DIP2B: variants seen among roughly 807,000 people sequenced by gnomAD.
DIP2B encodes the protein DIP2 acetate--CoA ligase B (putative).
A neutral mutation model predicts 198.0 loss-of-function variants in DIP2B; 76 were observed. The observed-to-expected ratio is 0.38, with a 90% CI of 0.32 to 0.46. The LOEUF is 0.46. Among genes scored for constraint, DIP2B ranks in the 20% least tolerant of loss-of-function variants. The pLI is 0.99. For missense variants in DIP2B, 1,559 were observed against 1,978.4 expected (o/e 0.79, Z 4.02); for synonymous variants, 701 against 739.1 (o/e 0.95, Z 0.84).
intron 11 of DIP2B, among the ~76,000 whole-genome samples, chr12:50,686,237 A>C (rs1939128194): frequency 6.6e-6 from 1 of 152,118 alleles, no homozygotes; most frequent in South Asian, 2.1e-4. Flanking sequence ...CTTTATGCCG[A>C]TGGTTGGAAA....
At chr12:50,546,992 T>G (rs951829825) in intron 1 of DIP2B, among the ~76,000 whole-genome samples, 4 of 152,240 alleles carry the variant, frequency 2.6e-5, no homozygotes, top group African/African-American at 9.6e-5. Context: ...AACTGCTTAC[T>G]CGGAGGTTCG....
chr12:50,647,652 C>T (rs546716988), intron 3 of DIP2B, among the ~76,000 whole-genome samples: 1 of 152,252 alleles, frequency 6.6e-6, no homozygotes, highest in East Asian at 1.9e-4. Flanking sequence ...TGCTTTATGA[C>T]TCAACCCACC....
intron 1 of DIP2B, among the ~76,000 whole-genome samples, chr12:50,518,578 A>G (rs1259004481): frequency 2.0e-5 from 3 of 152,178 alleles, no homozygotes; most frequent in African/African-American, 4.8e-5. Context: ...GTTTCTGTAC[A>G]GTGTGCTGGG....
At chr12:50,642,073 C>G (rs189253364) in intron 3 of DIP2B, among the ~76,000 whole-genome samples, 2 of 151,920 alleles carry the variant, frequency 1.3e-5, no homozygotes, top group Admixed American at 6.6e-5. Flanking sequence ...GCTGATTTTA[C>G]TAGATACATA....
chr12:50,686,680 G>A lies in DIP2B; in HGVS notation c.1549G>A (p.Glu517Lys), dbSNP rs763427967. The change falls in exon 12 of 38, where the codon GAG becomes AAG. Residue 517 changes from glutamate to lysine, a missense_variant and splice_region_variant. Coordinates refer to ENST00000301180, the MANE Select transcript of DIP2B (RefSeq NM_173602.3). ...SPAGTEPAYIEYKTSKEGSVM... is the reference protein window; with the variant it reads ...SPAGTEPAYIKYKTSKEGSVM... ...TGCTGGGACAGAACCGGCATACATTGAGGTAAGTCCTAAGATGTAAAATAT... is the reference window on the plus strand; with the variant it reads ...TGCTGGGACAGAACCGGCATACATTAAGGTAAGTCCTAAGATGTAAAATAT... 2.5e-6 allele frequency: 4 copies of A among 1,613,568 alleles called. No homozygotes were observed. Among genetic ancestry groups the A allele is most frequent in the Non-Finnish European group, 2.5e-6 (3 of 1,179,724 alleles).
intron 1 of DIP2B, among the ~76,000 whole-genome samples, chr12:50,577,741 A>C (rs1209458910): frequency 2.0e-5 from 3 of 151,948 alleles, no homozygotes; most frequent in African/African-American, 7.2e-5. Flanking sequence ...TCTTTTCATT[A>C]ATCTGTTATG....
chr12:50,662,916 C>T (rs1938677208), intron 4 of DIP2B, among the ~76,000 whole-genome samples: 1 of 152,000 alleles, frequency 6.6e-6, no homozygotes, highest in African/African-American at 2.4e-5. Flanking sequence ...CGAGATCAGC[C>T]TGACCAACAA....
intron 1 of DIP2B, among the ~76,000 whole-genome samples, chr12:50,612,140 G>C (rs1006855910): frequency 2.6e-5 from 4 of 152,176 alleles, no homozygotes; most frequent in African/African-American, 9.7e-5. Flanking sequence ...GCATGCCCCT[G>C]TAGTCCCAGC....
intron 2 of DIP2B, among the ~76,000 whole-genome samples, chr12:50,640,074 C>G (rs866304493): frequency 2.6e-5 from 4 of 152,040 alleles, no homozygotes; most frequent in Non-Finnish European, 5.9e-5. Context: ...ATTTTGTTAA[C>G]GTACATCTCG....
At chr12:50,671,836 T>C (rs1648727824) in intron 5 of DIP2B, among the ~76,000 whole-genome samples, 1 of 152,246 alleles carries the variant, frequency 6.6e-6, no homozygotes, top group African/African-American at 2.4e-5. Context: ...AGGACTTTTG[T>C]CTTGACTGGA....
chr12:50,674,877 A>G (rs1228562552), intron 6 of DIP2B, among the ~76,000 whole-genome samples: 1 of 152,184 alleles, frequency 6.6e-6, no homozygotes, highest in Non-Finnish European at 1.5e-5. Context: ...GAAAAGAATA[A>G]CAGAGGGCCG....
chr12:50,598,342 C>T (rs772122663), intron 1 of DIP2B, among the ~76,000 whole-genome samples: 1 of 152,108 alleles, frequency 6.6e-6, no homozygotes, highest in Non-Finnish European at 1.5e-5. Context: ...TCTAGACTTA[C>T]ACCCTTAGGG....
chr12:50,723,366 T>C (rs762285804), intron 27 of DIP2B, 43 bp downstream of exon 27: 1 of 1,607,864 alleles, frequency 6.2e-7, no homozygotes, highest in African/African-American at 1.3e-5. Flanking sequence ...TCTCCTAAAA[T>C]CCAGATTCAG....
In DIP2B at chr12:50,680,743, G is replaced by T. The variant is rs1292080508; in HGVS notation, c.1186G>T (p.Val396Leu). The T allele has an allele frequency of 1.2e-6, 2 of 1,613,716 alleles. No homozygotes were observed. The highest frequency in any genetic ancestry group is 2.7e-5 in the African/African-American group (2 of 74,834). ...LNKLGTKNEP[V>L]LKPGDRVALV... is the part of the protein sequence containing the mutation. ...TAAACTGGGGACCAAAAATGAACCT[G>T]TGTTAAAACCTGGAGACAGGGTAAT... is the stretch of plus-strand genomic sequence containing the variant. The change falls in exon 9 of 38, where the codon GTG becomes TTG. Residue 396 changes from valine to leucine, a missense_variant. Val to Leu is a conservative substitution (Grantham distance 32). Coordinates refer to ENST00000301180, the MANE Select transcript of DIP2B (RefSeq NM_173602.3).
At chr12:50,566,795 C>G (rs1174367503) in intron 1 of DIP2B, among the ~76,000 whole-genome samples, 1 of 151,898 alleles carries the variant, frequency 6.6e-6, no homozygotes, top group Non-Finnish European at 1.5e-5. Flanking sequence ...CGGTGAAACC[C>G]CGTCTCTACT....
intron 1 of DIP2B, among the ~76,000 whole-genome samples, chr12:50,585,563 G>A (rs193268326): frequency 3.3e-5 from 5 of 152,338 alleles, no homozygotes; most frequent in Middle Eastern, 3.4e-3. Flanking sequence ...GAACAAGCTA[G>A]GTGCCTTAGA....
At chr12:50,681,607 T>C (rs1939043025) in intron 9 of DIP2B, among the ~76,000 whole-genome samples, 1 of 152,232 alleles carries the variant, frequency 6.6e-6, no homozygotes, top group Admixed American at 6.5e-5. Context: ...AAGATATTTT[T>C]CCTATTAATG....
chr12:50,603,925 A>G (rs544456964), intron 1 of DIP2B, among the ~76,000 whole-genome samples: 7 of 152,120 alleles, frequency 4.6e-5, no homozygotes, highest in Non-Finnish European at 1.0e-4. Context: ...TAAATTCACA[A>G]TGATGAGAAA....
At chr12:50,572,710 TATAA>T (rs1230481721) in intron 1 of DIP2B, among the ~76,000 whole-genome samples, 1 of 152,240 alleles carries the variant, frequency 6.6e-6, no homozygotes, top group Non-Finnish European at 1.5e-5. Context: ...CTGAAAAGTC[TATAA>T]AATTAGTTTC....
Sources: gnomAD v4.1 joint callset for allele counts (sites outside exome capture counted in the v4.1 genomes callset) on GRCh38, gnomAD v4.1.1 for gene constraint, MANE v1.5 for transcripts, NCBI Gene and HGNC (gene_info 2026-07-23, HGNC 2026-07-21) for gene names.